BTRC: variants seen among roughly 807,000 people sequenced by gnomAD.
The protein encoded by BTRC is beta-transducin repeat containing E3 ubiquitin protein ligase, also known as F-box/WD repeat-containing protein 1A.
In BTRC, 42 loss-of-function variants were observed where a neutral mutation model predicts 85.5. The observed-to-expected ratio is 0.49, with a 90% CI of 0.38 to 0.64. The LOEUF (loss-of-function observed/expected upper bound fraction) is 0.64, where lower values mean the gene tolerates loss of function less well. BTRC is among the 30% of genes least tolerant of loss of function. The probability of loss-of-function intolerance (pLI) is 0.00; values close to 1 mark genes in which losing one functional copy is unlikely to be tolerated. For missense variants in BTRC, 594 were observed against 743.5 expected (o/e 0.80, Z 2.34); for synonymous variants, 255 against 263.3 (o/e 0.97, Z 0.30).
At chr10:101,540,527 A>C (rs2062450805) in intron 13 of BTRC, among the ~76,000 whole-genome samples, 1 of 152,212 alleles carries the variant, frequency 6.6e-6, no homozygotes, top group African/African-American at 2.4e-5. Context: ...GCTTTTTACC[A>C]ACTCTTGAAG....
At chr10:101,404,997 T>TA (rs34206285) in intron 1 of BTRC, among the ~76,000 whole-genome samples, 253 of 123,750 alleles carry the variant, frequency 2.0e-3, no homozygotes, top group Middle Eastern at 4.0e-3. Flanking sequence ...GAATCCATCT[T>TA]AAAAAAAAAA....
intron 4 of BTRC, among the ~76,000 whole-genome samples, chr10:101,519,426 A>G (rs2062070482): frequency 6.6e-6 from 1 of 152,012 alleles, no homozygotes; most frequent in Admixed American, 6.6e-5. Flanking sequence ...TTGCTGTTGT[A>G]GGACTGAGGC....
intron 2 of BTRC, among the ~76,000 whole-genome samples, chr10:101,448,041 C>A (rs146492575): frequency 1.3e-5 from 2 of 152,082 alleles, no homozygotes; most frequent in South Asian, 4.1e-4. Flanking sequence ...AAGATAGTTA[C>A]GGTGTGGAAA....
chr10:101,482,516 C>T (rs9420828), intron 4 of BTRC, among the ~76,000 whole-genome samples: 55,877 of 151,116 alleles, frequency 0.37, 11,514 homozygotes, highest in Middle Eastern at 0.49. Context: ...CTGCCTCAGC[C>T]TCCTGAGTAG....
intron 1 of BTRC, among the ~76,000 whole-genome samples, chr10:101,415,222 C>A (rs1943898525): frequency 6.6e-6 from 1 of 151,848 alleles, no homozygotes; most frequent in Admixed American, 6.6e-5. Context: ...GTTGCCTGGG[C>A]TGGAGTGCAG....
At chr10:101,407,866 G>A (rs1479445884) in intron 1 of BTRC, among the ~76,000 whole-genome samples, 1 of 151,802 alleles carries the variant, frequency 6.6e-6, no homozygotes, top group African/African-American at 2.4e-5. Context: ...GGGACTACAG[G>A]TGCGTACCAC....
intron 1 of BTRC, among the ~76,000 whole-genome samples, chr10:101,424,238 GA>G (rs950658605): frequency 3.3e-5 from 5 of 150,402 alleles, no homozygotes; most frequent in Non-Finnish European, 5.9e-5. Flanking sequence ...CTGTCTCAAA[GA>G]AAAAAAAAGA....
At chr10:101,493,289 G>A (rs1946179765) in intron 4 of BTRC, among the ~76,000 whole-genome samples, 1 of 152,194 alleles carries the variant, frequency 6.6e-6, no homozygotes, top group African/African-American at 2.4e-5. Context: ...AAATTTGACA[G>A]CCTTTTTGCA....
In BTRC at chr10:101,366,916, ATT is replaced by A. The variant is rs1355141903; in HGVS notation, c.48+12690_48+12691del. Among the ~76,000 whole-genome samples the A allele has an allele frequency of 5.6e-3, 12 of 2,152 alleles. 2 individuals carry two copies. The highest frequency in any genetic ancestry group is 7.2e-3 in the African/African-American group (12 of 1,666). The allele number at this position is 2,152 out of a possible 152,430, so 1.4% of individuals were successfully genotyped here. ...TATATATTTATATATATTAATATATATTTATATATATTTATATATATTTATAT... is the reference window on the plus strand; with the variant it reads ...TATATATTTATATATATTAATATATATATATATATTTATATATATTTATAT... On this transcript the variant is annotated intron_variant, in intron 1 of 14. Transcript: ENST00000370187.
At chr10:101,498,173 A>T (rs1431678905) in intron 4 of BTRC, among the ~76,000 whole-genome samples, 1 of 151,940 alleles carries the variant, frequency 6.6e-6, no homozygotes, top group African/African-American at 2.4e-5. Context: ...GCTTTTTTTG[A>T]GATGGAGTCT....
At chr10:101,357,730 T>C (rs1942082862) in intron 1 of BTRC, among the ~76,000 whole-genome samples, 1 of 152,228 alleles carries the variant, frequency 6.6e-6, no homozygotes, top group Non-Finnish European at 1.5e-5. Context: ...TAAAGAATTT[T>C]ACAATAAAAT....
intron 1 of BTRC, among the ~76,000 whole-genome samples, chr10:101,413,252 T>A (rs1044239085): frequency 2.0e-5 from 3 of 152,058 alleles, no homozygotes; most frequent in Non-Finnish European, 2.9e-5. Context: ...CAGGCAATTC[T>A]CCTGCCTCAG....
intron 1 of BTRC, among the ~76,000 whole-genome samples, chr10:101,404,403 T>C (rs942511774): frequency 6.6e-6 from 1 of 152,156 alleles, no homozygotes; most frequent in Non-Finnish European, 1.5e-5. Context: ...TTGGCATCTG[T>C]TGATACCAGT....
At chr10:101,405,457 G>C (rs1047336742) in intron 1 of BTRC, among the ~76,000 whole-genome samples, 3 of 152,116 alleles carry the variant, frequency 2.0e-5, no homozygotes, top group Non-Finnish European at 4.4e-5. Flanking sequence ...TGAGTGTTAC[G>C]ATACTCCTTC....
chr10:101,400,516 G>A (rs1004985568), intron 1 of BTRC, among the ~76,000 whole-genome samples: 18 of 152,132 alleles, frequency 1.2e-4, no homozygotes, highest in African/African-American at 4.1e-4. Flanking sequence ...CATCTGTAGA[G>A]GAAGATGATC....
chr10:101,438,373 C>T (rs1297698353), intron 2 of BTRC, among the ~76,000 whole-genome samples: 1 of 123,378 alleles, frequency 8.1e-6, no homozygotes, highest in Non-Finnish European at 1.6e-5. Context: ...TGCAGTGAGC[C>T]GAGATCGCGC....
intron 6 of BTRC, 58 bp from the exon 7 acceptor site, chr10:101,531,179 T>C: frequency 7.4e-7 from 1 of 1,348,564 alleles, no homozygotes; most frequent in Non-Finnish European, 1.0e-6. Flanking sequence ...TCAAAATATA[T>C]ATGTATTTAA....
At chr10:101,478,680 C>T (rs1945755075) in intron 3 of BTRC, among the ~76,000 whole-genome samples, 1 of 151,444 alleles carries the variant, frequency 6.6e-6, no homozygotes, top group African/African-American at 2.4e-5. Flanking sequence ...TAGTCCCCCA[C>T]CTACTCTGGA....
At chr10:101,449,681 C>T (rs1422542659) in intron 2 of BTRC, among the ~76,000 whole-genome samples, 3 of 152,034 alleles carry the variant, frequency 2.0e-5, no homozygotes, top group Non-Finnish European at 4.4e-5. Flanking sequence ...TTACATGATA[C>T]GTATTCTTGG....
Sources: gnomAD v4.1 joint callset for allele counts (sites outside exome capture counted in the v4.1 genomes callset) on GRCh38, gnomAD v4.1.1 for gene constraint, MANE v1.5 for transcripts, NCBI Gene and HGNC (gene_info 2026-07-23, HGNC 2026-07-21) for gene names.